FSHR: variants seen among roughly 807,000 people sequenced by gnomAD.
The protein encoded by FSHR is follicle-stimulating hormone receptor.
FSHR carries 46 observed loss-of-function variants against 52.1 expected under a neutral mutation model. The ratio of observed to expected loss-of-function variants is 0.88; its 90% CI spans 0.70 to 1.13. The LOEUF (loss-of-function observed/expected upper bound fraction) is 1.13, where lower values mean the gene tolerates loss of function less well. FSHR is among the 50% of genes most tolerant of loss of function. The probability of loss-of-function intolerance (pLI) is 0.00; values close to 1 mark genes in which losing one functional copy is unlikely to be tolerated. For missense variants in FSHR, 964 were observed against 834.6 expected (o/e 1.16, Z -1.91); for synonymous variants, 399 against 309.6 (o/e 1.29, Z -3.03).
At chr2:49,092,104 C>A (rs1381115485) in intron 1 of FSHR, among the ~76,000 whole-genome samples, 5 of 152,176 alleles carry the variant, frequency 3.3e-5, no homozygotes, top group African/African-American at 9.7e-5. Context: ...ATTAGGTTTA[C>A]AACTAAGTAT....
At chr2:49,060,202 G>T (rs2104323101) in intron 2 of FSHR, among the ~76,000 whole-genome samples, 1 of 152,122 alleles carries the variant, frequency 6.6e-6, no homozygotes, top group East Asian at 1.9e-4. Context: ...TACCGGTGAG[G>T]ATGCAGAGAA....
chr2:49,150,943 G>T (rs1303311591), intron 1 of FSHR, among the ~76,000 whole-genome samples: 1 of 151,850 alleles, frequency 6.6e-6, no homozygotes, highest in Admixed American at 6.6e-5. Flanking sequence ...TCAAAATAAT[G>T]CTTTTTTGTG....
chr2:48,983,296 C>T (rs115166339), intron 6 of FSHR, 130 bp from the exon 7 acceptor site: 4 of 775,990 alleles, frequency 5.2e-6, no homozygotes, highest in Non-Finnish European at 8.9e-6. Context: ...ACTTTTAAAG[C>T]TTGGGGACAC....
rs576132855 is a variant in FSHR at position 49,004,716 on chromosome 2, A to G, written c.374+12773T>C. Among the ~76,000 whole-genome samples, 14 of 152,264 alleles carry G rather than the reference A, an allele frequency of 9.2e-5. No homozygotes were observed. The East Asian group carries it at 2.3e-3, about 25-fold the overall frequency. On this transcript the variant is annotated intron_variant, in intron 4 of 9. Coordinates refer to ENST00000406846, the MANE Select transcript of FSHR (RefSeq NM_000145.4). ...AGTGTCTGATGAGGATGATATAGCA[A>G]TAAGAAAAAAATCAGAGCTAAGCTT... is the stretch of plus-strand genomic sequence containing the variant.
intron 1 of FSHR, among the ~76,000 whole-genome samples, chr2:49,143,691 A>C (rs1409983975): frequency 6.6e-6 from 1 of 152,194 alleles, no homozygotes; most frequent in Non-Finnish European, 1.5e-5. Flanking sequence ...AAGATGGAGA[A>C]ATGTGGTTCT....
chr2:48,962,873 G>C lies in FSHR; in HGVS notation c.1948C>G (p.Gln650Glu). 1.2e-6 allele frequency: 2 copies of C among 1,614,130 alleles called. No individual in the cohort carries two copies. Among genetic ancestry groups the C allele is most frequent in the East Asian group, 2.2e-5 (1 of 44,872 alleles). The change falls in exon 10 of 10, where the codon CAA becomes GAA. Residue 650 changes from glutamine (Q) to glutamate (E), a missense_variant. Transcript: ENST00000406846. ...GTTTCTGTCCTATAAATTTGGGCTT[G>C]CATTTCATAGCAGCCACACTTGCTC... ...LLSKCGCYEM[Q>E]AQIYRTETSS...
chr2:49,119,664 C>G (rs1671733710), intron 1 of FSHR, among the ~76,000 whole-genome samples: 1 of 152,066 alleles, frequency 6.6e-6, no homozygotes, highest in South Asian at 2.1e-4. Context: ...CACTGAAATC[C>G]CAGGTAACAT....
chr2:48,975,451 T>C (rs1320697968), intron 8 of FSHR, among the ~76,000 whole-genome samples: 1 of 152,174 alleles, frequency 6.6e-6, no homozygotes, highest in Non-Finnish European at 1.5e-5. Context: ...CCCCAGTGCA[T>C]GTCTGTCTCC....
intron 2 of FSHR, among the ~76,000 whole-genome samples, chr2:49,035,416 C>A (rs1393803087): frequency 6.6e-6 from 1 of 152,180 alleles, no homozygotes; most frequent in Non-Finnish European, 1.5e-5. Flanking sequence ...AGGGGCAAAG[C>A]CATGGAGTGT....
In FSHR at chr2:49,020,177, A is replaced by G; in HGVS notation, c.225-17T>C. 1.2e-6 allele frequency: 2 copies of G among 1,601,568 alleles called. No homozygotes were observed. The highest frequency in any genetic ancestry group is 1.7e-6 in the Non-Finnish European group (2 of 1,168,660). On this transcript the variant is annotated splice_polypyrimidine_tract_variant and intron_variant, in intron 2 of 9. Coordinates refer to ENST00000406846, the MANE Select transcript of FSHR (RefSeq NM_000145.4). ...GAGATCTCTCTGTGGAGAAAAAAAT[A>G]TATAAGTCAAGCCAGTTCAGTTACA...
At chr2:48,978,415 G>T (rs150462755) in intron 8 of FSHR, among the ~76,000 whole-genome samples, 1 of 152,354 alleles carries the variant, frequency 6.6e-6, no homozygotes, top group African/African-American at 2.4e-5. Flanking sequence ...AGGACTGTGG[G>T]TACACTGGTA....
At chr2:48,990,973 T>C (rs954908851) in intron 4 of FSHR, among the ~76,000 whole-genome samples, 2 of 152,110 alleles carry the variant, frequency 1.3e-5, no homozygotes, top group Admixed American at 6.6e-5. Context: ...ATTTCCCCTA[T>C]TTCCAACCTC....
intron 2 of FSHR, among the ~76,000 whole-genome samples, chr2:49,062,539 A>T (rs1442497099): frequency 6.6e-6 from 1 of 152,066 alleles, no homozygotes; most frequent in East Asian, 1.9e-4. Flanking sequence ...TCAAAAGCAC[A>T]GGAAATAAAA....
chr2:49,057,356 A>C (rs746682354), intron 2 of FSHR, among the ~76,000 whole-genome samples: 11 of 152,166 alleles, frequency 7.2e-5, no homozygotes, highest in Non-Finnish European at 1.3e-4. Flanking sequence ...TAGTAGTAAC[A>C]TTACAATGTT....
intron 2 of FSHR, among the ~76,000 whole-genome samples, chr2:49,021,882 TATATAGAGAGAGAG>T (rs1174646237): frequency 3.6e-4 from 16 of 43,920 alleles, no homozygotes; most frequent in African/African-American, 1.2e-3. Context: ...TATATATATA[TATATAGAGAGAGAG>T]AGAGAGAGAG....
intron 2 of FSHR, among the ~76,000 whole-genome samples, chr2:49,057,161 A>C (rs1164833214): frequency 1.3e-5 from 2 of 152,126 alleles, no homozygotes; most frequent in Non-Finnish European, 2.9e-5. Context: ...AAAAATAATA[A>C]ATATCAGAGC....
At chr2:49,099,560 TA>T (rs565011654) in intron 1 of FSHR, among the ~76,000 whole-genome samples, 1 of 152,134 alleles carries the variant, frequency 6.6e-6, no homozygotes, top group African/African-American at 2.4e-5. Context: ...GCAAATATTA[TA>T]AAGTTAAGAT....
intron 4 of FSHR, among the ~76,000 whole-genome samples, chr2:48,996,519 C>A (rs746705917): frequency 1.3e-5 from 2 of 152,036 alleles, no homozygotes; most frequent in African/African-American, 4.8e-5. Context: ...GATTCATTAA[C>A]ACAACTCATG....
At chr2:48,986,275 A>G (rs1675511014) in intron 6 of FSHR, among the ~76,000 whole-genome samples, 2 of 151,946 alleles carry the variant, frequency 1.3e-5, no homozygotes, top group Non-Finnish European at 2.9e-5. Flanking sequence ...CTCCAGCTCT[A>G]TCCATGTTGC....
Sources: gnomAD v4.1 joint callset for allele counts (sites outside exome capture counted in the v4.1 genomes callset) on GRCh38, gnomAD v4.1.1 for gene constraint, MANE v1.5 for transcripts, NCBI Gene and HGNC (gene_info 2026-07-23, HGNC 2026-07-21) for gene names.